NRG2: variants seen among roughly 807,000 people sequenced by gnomAD.
The protein encoded by NRG2 is neuregulin 2.
In NRG2, 27 loss-of-function variants were observed where a neutral mutation model predicts 73.9. The observed-to-expected ratio is 0.37, with a 90% confidence interval of 0.27 to 0.50. The LOEUF is 0.50. Among genes scored for constraint, NRG2 ranks in the 20% least tolerant of loss-of-function variants. The probability of loss-of-function intolerance (pLI) is 0.96; values close to 1 mark genes in which losing one functional copy is unlikely to be tolerated. For synonymous variants in NRG2, 532 were observed against 541.0 expected, an observed-to-expected ratio of 0.98 and a Z score of 0.23; for missense variants, 1,126 against 1,210.1, an observed-to-expected ratio of 0.93 and a Z score of 1.03.
chr5:139,882,615 C>T (rs987673198), intron 2 of NRG2, among the ~76,000 whole-genome samples: 3 of 152,130 alleles, frequency 2.0e-5, no homozygotes, highest in African/African-American at 7.2e-5. Context: ...AAATTAGATG[C>T]CACAAACTCC....
intron 6 of NRG2, among the ~76,000 whole-genome samples, chr5:139,855,190 C>T (rs1390188829): frequency 1.3e-5 from 2 of 152,194 alleles, no homozygotes; most frequent in East Asian, 3.9e-4. Context: ...AGGCATCTGT[C>T]TTTCTTTGGG....
At chr5:139,991,311 A>G (rs1193457338) in intron 1 of NRG2, among the ~76,000 whole-genome samples, 1 of 151,984 alleles carries the variant, frequency 6.6e-6, no homozygotes, top group East Asian at 1.9e-4. Flanking sequence ...AATATGGTCA[A>G]ATGTATCCGT....
At chr5:140,019,946 G>T (rs1303917961) in intron 1 of NRG2, among the ~76,000 whole-genome samples, 1 of 152,130 alleles carries the variant, frequency 6.6e-6, no homozygotes, top group Non-Finnish European at 1.5e-5. Context: ...TAGAGACAGG[G>T]TTTCACCATG....
chr5:140,036,911 C>T (rs771012409), intron 1 of NRG2, among the ~76,000 whole-genome samples: 6 of 152,202 alleles, frequency 3.9e-5, no homozygotes, highest in Non-Finnish European at 4.4e-5. Flanking sequence ...AAGCAAACAG[C>T]GCTTAGAGGG....
At position 139,848,386 on chromosome 5, in the gene NRG2, C is replaced by T. The variant is rs1761160862; in HGVS notation, c.2084G>A (p.Gly695Asp). The T allele has an allele frequency of 8.0e-7, 1 of 1,252,762 alleles. No homozygotes were observed. The highest frequency in any genetic ancestry group is 9.9e-7 in the Non-Finnish European group (1 of 1,005,038). 77.6% of individuals were successfully genotyped at this position (1,252,762 alleles called of 1,614,324 possible). A position where few individuals can be genotyped will look rare whatever the true frequency, so the allele number is the denominator to read the frequency against. ...GPRRGTCALGGSLGSLPASPF... is the reference protein window; with the variant it reads ...GPRRGTCALGDSLGSLPASPF... ...GCTGGCAGGCAGGCTGCCCAGGCTG[C>T]CGCCGAGCGCGCAGGTCCCGCGCCG... Residue 695 changes from glycine (G) to aspartate (D), a missense_variant, in exon 10 of 10, where the codon GGC becomes GAC. Physicochemically the swap from Gly to Asp is moderately conservative, Grantham distance 94. Coordinates refer to ENST00000361474, the MANE Select transcript of NRG2 (RefSeq NM_004883.3).
chr5:139,954,501 G>A lies in NRG2; in HGVS notation c.701-66990C>T, dbSNP rs867491454. ...AATTCATCCCACCACCCACTCTCCT[G>A]CTGAGGAAGTGGCAATGGCTTCTCA... On this transcript the variant is annotated intron_variant, in intron 1 of 9. Coordinates refer to ENST00000361474, the MANE Select transcript of NRG2 (RefSeq NM_004883.3). The surrounding 1 kb of genome is among the most constrained non-coding windows in gnomAD (Gnocchi z 5.0). 6.6e-6 allele frequency among the ~76,000 whole-genome samples: 1 copy of A among 152,154 alleles called. No homozygotes were observed. Among genetic ancestry groups the A allele is most frequent in the African/African-American group, 2.4e-5 (1 of 41,416 alleles).
At chr5:139,940,540 T>C (rs926118487) in intron 1 of NRG2, among the ~76,000 whole-genome samples, 1 of 152,238 alleles carries the variant, frequency 6.6e-6, no homozygotes, top group African/African-American at 2.4e-5. Context: ...ATTGTCTTAA[T>C]TCTGTCTCAA....
rs756281194 is a variant in NRG2 at position 140,042,946 on chromosome 5, CGCTGCTGCT to C, written c.115_123del (p.Ser39_Ser41del). ...CTGCTCCTGCTGCTGCTGCCGCTCT[CGCTGCTGCT>C]GCTGCTGCTGCTGCTGCTCCTCTCG... On this transcript the variant is annotated inframe_deletion, in exon 1 of 10. Transcript: ENST00000361474. 2.0e-4 allele frequency: 311 copies of C among 1,532,902 alleles called. 1 individual carries two copies. Among genetic ancestry groups the C allele is most frequent in the Admixed American group, 3.2e-4 (16 of 50,756 alleles). 95.0% of individuals were successfully genotyped at this position (1,532,902 alleles called of 1,614,324 possible).
At chr5:139,977,469 G>C (rs1038074529) in intron 1 of NRG2, among the ~76,000 whole-genome samples, 2 of 152,122 alleles carry the variant, frequency 1.3e-5, no homozygotes, top group African/African-American at 2.4e-5. Flanking sequence ...ATTGGCAGGC[G>C]TCAAGGTATG....
intron 1 of NRG2, among the ~76,000 whole-genome samples, chr5:139,900,813 A>G (rs1764836340): frequency 6.6e-6 from 1 of 152,190 alleles, no homozygotes. Flanking sequence ...CTAATGTCAG[A>G]GCTTTCCTGA....
Position 139,851,476 on chromosome 5 carries a change from G to C in NRG2, c.1772+128C>G. 7 of 879,476 alleles carry C rather than the reference G, an allele frequency of 8.0e-6. No individual in the cohort carries two copies. Among genetic ancestry groups the C allele is most frequent in the Non-Finnish European group, 1.2e-5 (7 of 571,352 alleles). The allele number at this position is 879,476 out of a possible 1,614,324, so 54.5% of individuals were successfully genotyped here. On this transcript the variant is annotated intron_variant, in intron 9 of 9. Transcript: ENST00000361474. The surrounding 1 kb of genome is among the most constrained non-coding windows in gnomAD (Gnocchi z 4.2). ...GCCATTTCACCTTTTCTAGGACCTT[G>C]TTTTCCCATATGAAAAATGGAGATG...
At chr5:139,866,158 CTT>C (rs1192898265) in intron 4 of NRG2, among the ~76,000 whole-genome samples, 15 of 152,288 alleles carry the variant, frequency 9.8e-5, no homozygotes, top group African/African-American at 3.6e-4. Flanking sequence ...CTGTGTATGT[CTT>C]TGACAAAAGT....
At chr5:139,909,309 GA>G (rs1265047929) in intron 1 of NRG2, among the ~76,000 whole-genome samples, 1 of 152,164 alleles carries the variant, frequency 6.6e-6, no homozygotes, top group African/African-American at 2.4e-5. Context: ...AGTGAAAGGG[GA>G]AAAAACCCCA....
At chr5:139,892,361 T>C (rs1764268345) in intron 1 of NRG2, among the ~76,000 whole-genome samples, 1 of 152,164 alleles carries the variant, frequency 6.6e-6, no homozygotes, top group African/African-American at 2.4e-5. Flanking sequence ...GACCTGATCT[T>C]ACTTTCTGCA....
intron 5 of NRG2, among the ~76,000 whole-genome samples, chr5:139,864,377 T>C (rs1435536590): frequency 6.8e-6 from 1 of 147,696 alleles, no homozygotes; most frequent in East Asian, 1.9e-4. Context: ...CTTCTCCTTC[T>C]TCTTCTTCTT....
At position 140,030,266 on chromosome 5, in the gene NRG2, C is replaced by T. The variant is rs576115627; in HGVS notation, c.700+12104G>A. On this transcript the variant is annotated intron_variant, in intron 1 of 9. Coordinates refer to ENST00000361474, the MANE Select transcript of NRG2 (RefSeq NM_004883.3). ...CCTTGACCCAAGGAAGCCCATCAAA[C>T]CCACTGGGACTCTTTACCAACTCAA... is the stretch of plus-strand genomic sequence containing the variant. Among the ~76,000 whole-genome samples, 6 of 152,320 alleles carry T rather than the reference C, an allele frequency of 3.9e-5. No individual in the cohort carries two copies. In the South Asian group the frequency reaches 1.2e-3, roughly 32 times the overall value.
rs185654353 is a variant in NRG2, at chr5:139,938,130, T to G, written c.701-50619A>C. Among the ~76,000 whole-genome samples the G allele has an allele frequency of 2.4e-3, 368 of 152,142 alleles. 2 individuals are homozygous for G. Among genetic ancestry groups the G allele is most frequent in the African/African-American group, 8.2e-3 (339 of 41,488 alleles). On this transcript the variant is annotated intron_variant, in intron 1 of 9. Transcript: ENST00000361474. ...GAAATATTGGTGAGAAAAAGTAAGATCTAAATAAATGGAAATACGTGTTCA... is the reference window on the plus strand; with the variant it reads ...GAAATATTGGTGAGAAAAAGTAAGAGCTAAATAAATGGAAATACGTGTTCA...
At chr5:139,910,448 C>CCTGT (rs1270020446) in intron 1 of NRG2, among the ~76,000 whole-genome samples, 1 of 152,174 alleles carries the variant, frequency 6.6e-6, no homozygotes, top group East Asian at 1.9e-4. Context: ...GACTCCAAAC[C>CCTGT]CTGTCCTCCA....
At chr5:140,024,399 C>A (rs1285984298) in intron 1 of NRG2, among the ~76,000 whole-genome samples, 1 of 151,676 alleles carries the variant, frequency 6.6e-6, no homozygotes, top group East Asian at 1.9e-4. Flanking sequence ...GGACTACAGG[C>A]GCCCGCCACT....
Sources: gnomAD v4.1 joint callset for allele counts (sites outside exome capture counted in the v4.1 genomes callset) on GRCh38, gnomAD v4.1.1 for gene constraint, Gnocchi (gnomAD v3.1) non-coding constraint, MANE v1.5 for transcripts, NCBI Gene and HGNC (gene_info 2026-07-23, HGNC 2026-07-21) for gene names.